The following COX16 variants were observed in gnomAD, a reference collection of about 807,000 sequenced individuals.
COX16 encodes cytochrome c oxidase assembly protein COX16 homolog, mitochondrial.
COX16 carries 12 observed loss-of-function variants against 15.4 expected under a neutral mutation model. That is an observed-to-expected ratio of 0.78 (90% CI 0.50 to 1.26). The LOEUF is 1.26. Among genes scored for constraint, COX16 ranks in the 50% most tolerant of loss-of-function variants. COX16 has a pLI of 0.00. For missense variants in COX16, 124 were observed against 127.6 expected (o/e 0.97, Z 0.14); for synonymous variants, 46 against 41.1 (o/e 1.12, Z -0.46).
intron 2 of COX16, among the ~76,000 whole-genome samples, chr14:70,339,060 A>C (rs1886545644): frequency 6.6e-6 from 1 of 152,248 alleles, no homozygotes; most frequent in Non-Finnish European, 1.5e-5. Flanking sequence ...ATCTTAGAAA[A>C]CACGGTCACA....
At chr14:70,329,453 G>C (rs146991057) in intron 2 of COX16, among the ~76,000 whole-genome samples, 32 of 152,132 alleles carry the variant, frequency 2.1e-4, no homozygotes, top group African/African-American at 7.5e-4. Context: ...TACTTGTTAT[G>C]TGAGAGGCAT....
intron 1 of COX16, among the ~76,000 whole-genome samples, chr14:70,349,291 G>C (rs1176264274): frequency 6.6e-6 from 1 of 152,160 alleles, no homozygotes; most frequent in African/African-American, 2.4e-5. Flanking sequence ...ACCCAGGCAC[G>C]ATTGGCAAGT....
At chr14:70,359,138 C>T (rs1012744784) in intron 1 of COX16, 6 of 459,268 alleles carry the variant, frequency 1.3e-5, no homozygotes, top group African/African-American at 1.2e-4. Context: ...AAGTTGGGGG[C>T]GAGGAAGCAA....
Position 70,359,605 on chromosome 14 carries a change from G to C in COX16, c.-18C>G, listed in dbSNP as rs1217893596. On this transcript the variant is annotated 5_prime_UTR_variant, in exon 1 of 4. Transcript: ENST00000389912. ...GCAAACATGAGTGAACTCTTCCATC[G>C]GCTCAGAACTCCAAGCGGGCCTAGC... The C allele has an allele frequency of 1.2e-6, 2 of 1,613,178 alleles. No individual in the cohort carries two copies. The highest frequency in any genetic ancestry group is 1.1e-5 in the South Asian group (1 of 91,044).
At chr14:70,328,451 A>C (rs1886164562) in intron 3 of COX16, among the ~76,000 whole-genome samples, 1 of 152,210 alleles carries the variant, frequency 6.6e-6, no homozygotes, top group Non-Finnish European at 1.5e-5. Context: ...TCCAGTCAAA[A>C]AAATGACAAA....
intron 2 of COX16, among the ~76,000 whole-genome samples, chr14:70,329,868 TC>T (rs1427907154): frequency 7.3e-5 from 11 of 150,724 alleles, no homozygotes; most frequent in Admixed American, 2.6e-4. Flanking sequence ...AAAGCAAAGA[TC>T]AAATAAGTAA....
At position 70,341,185 on chromosome 14, in the gene COX16, C is replaced by CT. The variant is rs1433881687; in HGVS notation, c.141+1472dup. On this transcript the variant is annotated intron_variant, in intron 2 of 3. Transcript: ENST00000389912. ...AAATAATTGGGATGCTAACTGAAAG[C>CT]TTTTAACACAGTTAAATTGAAAGTT... Among the ~76,000 whole-genome samples the CT allele has an allele frequency of 8.5e-5, 13 of 152,078 alleles. 1 individual carries two copies. Among genetic ancestry groups the CT allele is most frequent in the Non-Finnish European group, 1.9e-4 (13 of 67,992 alleles).
intron 1 of COX16, among the ~76,000 whole-genome samples, chr14:70,357,515 G>T (rs1363251997): frequency 1.3e-5 from 2 of 152,166 alleles, no homozygotes; most frequent in Non-Finnish European, 2.9e-5. Context: ...TGGCAGATTT[G>T]TTGGTTTTGG....
intron 2 of COX16, among the ~76,000 whole-genome samples, chr14:70,335,178 A>G (rs1010441926): frequency 2.0e-5 from 3 of 152,214 alleles, no homozygotes; most frequent in Admixed American, 2.0e-4. Flanking sequence ...TATGCACCCA[A>G]CAGCTGAGCA....
chr14:70,342,551 G>GAA, intron 2 of COX16, 107 bp downstream of exon 2: 1 of 1,077,118 alleles, frequency 9.3e-7, no homozygotes, highest in East Asian at 2.8e-5. Flanking sequence ...TCTTAGTGTT[G>GAA]AAAAGCAAGA....
chr14:70,331,956 G>A (rs916973677), intron 2 of COX16, among the ~76,000 whole-genome samples: 3 of 152,160 alleles, frequency 2.0e-5, no homozygotes, highest in Non-Finnish European at 4.4e-5. Flanking sequence ...AACCCTGATG[G>A]AGCCAAAGAC....
intron 2 of COX16, among the ~76,000 whole-genome samples, chr14:70,333,619 A>C (rs540107820): frequency 4.6e-5 from 7 of 152,360 alleles, no homozygotes; most frequent in African/African-American, 1.7e-4. Context: ...TATTCAGGTT[A>C]TTGGAGTTAA....
At chr14:70,343,080 A>G (rs1191440894) in intron 1 of COX16, among the ~76,000 whole-genome samples, 2 of 152,218 alleles carry the variant, frequency 1.3e-5, no homozygotes, top group Admixed American at 1.3e-4. Flanking sequence ...TCAACAAATG[A>G]GGAAATAAAA....
chr14:70,343,782 C>T (rs750199246), intron 1 of COX16, among the ~76,000 whole-genome samples: 1 of 152,176 alleles, frequency 6.6e-6, no homozygotes, highest in Non-Finnish European at 1.5e-5. Flanking sequence ...AGAATTGTAA[C>T]CACCGAATGG....
At chr14:70,346,250 C>T (rs1314203734) in intron 1 of COX16, among the ~76,000 whole-genome samples, 1 of 152,214 alleles carries the variant, frequency 6.6e-6, no homozygotes, top group African/African-American at 2.4e-5. Context: ...ATTTAGCCTT[C>T]ATAGTCTTTA....
chr14:70,346,715 T>C (rs1886795015), intron 1 of COX16, among the ~76,000 whole-genome samples: 1 of 151,996 alleles, frequency 6.6e-6, no homozygotes, highest in Admixed American at 6.5e-5. Context: ...CTACTCTGCT[T>C]TACCTAATTT....
rs761014452 is a variant in COX16 at position 70,342,681 on chromosome 14, G to A, written c.118C>T (p.Arg40Ter). ...ACTTTACTCTTCACAGCATCATATC[G>A]GATTTGAGAAAACTCACGAAGACCA... is the stretch of plus-strand genomic sequence containing the variant. Reference protein sequence around the residue: ...SFGLREFSQIRYDAVKSKMDP... With the variant: ...SFGLREFSQI Residue 40 changes from arginine (R) to a stop codon, truncating the protein, a stop_gained, in exon 2 of 4, where the codon CGA becomes TGA. Transcript: ENST00000389912. LOFTEE classifies it high-confidence loss of function. 3.1e-5 allele frequency: 50 copies of A among 1,612,764 alleles called. No homozygotes were observed. Among genetic ancestry groups the A allele is most frequent in the East Asian group, 6.7e-5 (3 of 44,824 alleles).
chr14:70,328,072 A>ATTTTTTTTTTTTTTTTTTTTTTTTT lies in COX16; in HGVS notation c.204+1077_204+1101dup, dbSNP rs77655575. 18 of 80,840 alleles carry ATTTTTTTTTTTTTTTTTTTTTTTTT rather than the reference A, an allele frequency of 2.2e-4. 5 individuals carry two copies. Among genetic ancestry groups the ATTTTTTTTTTTTTTTTTTTTTTTTT allele is most frequent in the East Asian group, 1.1e-3 (2 of 1,766 alleles). 5.0% of individuals were successfully genotyped at this position (80,840 alleles called of 1,614,324 possible). ...AGTAAAAATTATGCCTGAGAATAAG[A>ATTTTTTTTTTTTTTTTTTTTTTTTT]TTTTTTTTTTTTTTTTTTTTTTTTT... On this transcript the variant is annotated intron_variant, in intron 3 of 3. Transcript: ENST00000389912.
chr14:70,338,129 T>C (rs186466658), intron 2 of COX16, among the ~76,000 whole-genome samples: 1 of 152,356 alleles, frequency 6.6e-6, no homozygotes, highest in East Asian at 1.9e-4. Flanking sequence ...CTCTTGTTTT[T>C]TTGAGACAGG....
Sources: gnomAD v4.1 joint callset for allele counts (sites outside exome capture counted in the v4.1 genomes callset) on GRCh38, gnomAD v4.1.1 for gene constraint, MANE v1.5 for transcripts, NCBI Gene and HGNC (gene_info 2026-07-23, HGNC 2026-07-21) for gene names.